The following TTLL9 variants were observed in gnomAD, a reference collection of about 807,000 sequenced individuals.
TTLL9 encodes the protein tubulin tyrosine ligase like 9, also known as probable tubulin polyglutamylase TTLL9.
A neutral mutation model predicts 65.6 loss-of-function variants in TTLL9; 47 were observed. That is an observed-to-expected ratio of 0.72 (90% confidence interval 0.57 to 0.91). The LOEUF (loss-of-function observed/expected upper bound fraction) is 0.91, where lower values mean the gene tolerates loss of function less well. Ranked by LOEUF, TTLL9 falls within the 40% of genes least tolerant of loss-of-function variation. The pLI is 0.00. For synonymous variants in TTLL9, 179 were observed against 204.8 expected (o/e 0.87, Z 1.07); for missense variants, 537 against 568.8 (o/e 0.94, Z 0.57).
At chr20:31,873,515 C>T (rs187087240) in intron 2 of TTLL9, among the ~76,000 whole-genome samples, 4 of 151,660 alleles carry the variant, frequency 2.6e-5, no homozygotes, top group East Asian at 3.9e-4. Context: ...AAAAATTAGC[C>T]GGGTGTGGTG....
At chr20:31,933,953 G>T in intron 11 of TTLL9, 95 bp downstream of exon 11, 2 of 1,320,648 alleles carry the variant, frequency 1.5e-6, no homozygotes, top group East Asian at 2.5e-5. Context: ...GGACAGGCCT[G>T]TCTGAGCCTG....
At chr20:31,895,924 C>T (rs2063380670) in intron 3 of TTLL9, among the ~76,000 whole-genome samples, 1 of 152,060 alleles carries the variant, frequency 6.6e-6, no homozygotes, top group African/African-American at 2.4e-5. Context: ...ACTGCAACTT[C>T]CATCTCCCGG....
Position 31,942,930 on chromosome 20 carries a change from C to T in TTLL9, c.1244-15C>T, listed in dbSNP as rs374502048. On this transcript the variant is annotated splice_polypyrimidine_tract_variant and intron_variant, in intron 14 of 14. Transcript: ENST00000535842. ...AGCATAGGTCATCCCAGCCAACACC[C>T]CACTTCCTTTCCAGGCTGCGTCAAC... The T allele has an allele frequency of 3.1e-6, 5 of 1,613,880 alleles. No individual in the cohort carries two copies. Among genetic ancestry groups the T allele is most frequent in the Non-Finnish European group, 4.2e-6 (5 of 1,179,922 alleles).
intron 11 of TTLL9, 142 bp from the exon 12 acceptor site, chr20:31,934,550 G>T (rs1301078880): frequency 2.6e-6 from 2 of 765,310 alleles, no homozygotes; most frequent in Non-Finnish European, 2.1e-6. Flanking sequence ...CACACCTGGG[G>T]TCATCCTAAT....
chr20:31,909,894 A>T lies in TTLL9; in HGVS notation c.476A>T (p.Asn159Ile), dbSNP rs763019971. The T allele has an allele frequency of 6.9e-7, 1 of 1,454,904 alleles. No homozygotes were observed. The highest frequency in any genetic ancestry group is 9.2e-7 in the Non-Finnish European group (1 of 1,081,092). 90.1% of individuals were successfully genotyped at this position (1,454,904 alleles called of 1,614,324 possible). A position where few individuals can be genotyped will look rare whatever the true frequency, so the allele number is the denominator to read the frequency against. The change falls in exon 6 of 15, where the codon AAC becomes ATC. Residue 159 changes from asparagine (N) to isoleucine (I), a missense_variant. Around this residue, in one of 3 missense-constraint regions of TTLL9, gnomAD observed 320 missense variants for 311.0 expected, o/e 1.03. Transcript: ENST00000535842. ...YHLFVEEFRK[N>I]PGITWIMKPV... Reference sequence around the variant, plus strand: ...CTGTTTGTAGAGGAGTTTCGCAAAAACCCAGGAATCACCTGGATCATGAAG... The same window carrying T: ...CTGTTTGTAGAGGAGTTTCGCAAAATCCCAGGAATCACCTGGATCATGAAG...
chr20:31,910,605 C>T (rs903712766), intron 6 of TTLL9, among the ~76,000 whole-genome samples: 6 of 152,200 alleles, frequency 3.9e-5, no homozygotes, highest in African/African-American at 1.4e-4. Context: ...GCTTACGCAC[C>T]TTCTCTGTGC....
At chr20:31,892,284 A>G (rs1254226537) in intron 3 of TTLL9, among the ~76,000 whole-genome samples, 1 of 150,678 alleles carries the variant, frequency 6.6e-6, no homozygotes, top group Non-Finnish European at 1.5e-5. Flanking sequence ...GGTTCAAGTG[A>G]TTCTCGTGCC....
intron 2 of TTLL9, chr20:31,879,976 T>A: frequency 1.5e-6 from 1 of 688,656 alleles, no homozygotes; most frequent in Non-Finnish European, 1.9e-6. Context: ...CAAAATCGGT[T>A]GGGGATGGGT....
At chr20:31,875,505 G>C (rs933819102) in intron 2 of TTLL9, among the ~76,000 whole-genome samples, 48 of 152,116 alleles carry the variant, frequency 3.2e-4, no homozygotes, top group African/African-American at 1.2e-3. Context: ...TCCGTGTCAT[G>C]CTTTGCTTTC....
chr20:31,884,552 A>G (rs2063162235), intron 2 of TTLL9, among the ~76,000 whole-genome samples: 1 of 152,120 alleles, frequency 6.6e-6, no homozygotes, highest in Non-Finnish European at 1.5e-5. Flanking sequence ...ATGAGATCAG[A>G]AGTCTGAAAG....
intron 7 of TTLL9, among the ~76,000 whole-genome samples, chr20:31,920,931 A>C (rs2063807357): frequency 6.6e-6 from 1 of 152,222 alleles, no homozygotes; most frequent in African/African-American, 2.4e-5. Context: ...AGGTGTTTGC[A>C]ACCTGCGAGG....
intron 3 of TTLL9, among the ~76,000 whole-genome samples, chr20:31,892,951 G>T (rs2063328550): frequency 6.6e-6 from 1 of 151,908 alleles, no homozygotes; most frequent in Admixed American, 6.6e-5. Flanking sequence ...CACTATATTT[G>T]CTTTAAATAG....
chr20:31,930,969 G>A (rs188046756), intron 10 of TTLL9, among the ~76,000 whole-genome samples: 17 of 152,226 alleles, frequency 1.1e-4, no homozygotes, highest in Admixed American at 1.0e-3. Flanking sequence ...CACAGCAGGC[G>A]GGAGCAGTGT....
chr20:31,943,817 C>T lies in TTLL9; in HGVS notation c.*796C>T, dbSNP rs142685502. 1,188 of 456,724 alleles carry T rather than the reference C, an allele frequency of 2.6e-3. 7 individuals carry two copies. Among genetic ancestry groups the T allele is most frequent in the African/African-American group, 0.02 (988 of 50,178 alleles). 28.3% of individuals were successfully genotyped at this position (456,724 alleles called of 1,614,324 possible). On this transcript the variant is annotated 3_prime_UTR_variant, in exon 15 of 15. Transcript: ENST00000535842. ...GCCAGAAACCGGAAAACCCTGGGCT[C>T]ATGGGCAGGACAGCTTCGGGAGTTG...
At chr20:31,880,977 A>C (rs539376538) in intron 2 of TTLL9, among the ~76,000 whole-genome samples, 13 of 148,912 alleles carry the variant, frequency 8.7e-5, no homozygotes, top group South Asian at 2.1e-4. Context: ...CTTCCCAAGT[A>C]GCTGGGATTA....
At chr20:31,879,472 A>G (rs1051792452) in intron 2 of TTLL9, 1 of 194,478 alleles carries the variant, frequency 5.1e-6, no homozygotes, top group African/African-American at 2.3e-5. Context: ...CGACTGACCA[A>G]CTGACCAGGT....
intron 11 of TTLL9, 105 bp downstream of exon 11, chr20:31,933,963 G>A: frequency 1.6e-6 from 2 of 1,220,792 alleles, no homozygotes; most frequent in South Asian, 1.5e-5. Context: ...GTCTGAGCCT[G>A]TGTTCACCAG....
chr20:31,905,175 A>T (rs2063534884), intron 4 of TTLL9, among the ~76,000 whole-genome samples: 1 of 151,896 alleles, frequency 6.6e-6, no homozygotes, highest in African/African-American at 2.4e-5. Flanking sequence ...CGTTCAAGTG[A>T]TTCTCCTGCC....
intron 4 of TTLL9, chr20:31,901,218 G>A (rs1220070170): frequency 6.6e-6 from 1 of 152,218 alleles, no homozygotes; most frequent in Non-Finnish European, 1.5e-5. Flanking sequence ...ACCCCGACAC[G>A]ATGAGCATGA....
Sources: gnomAD v4.1 joint callset for allele counts (sites outside exome capture counted in the v4.1 genomes callset) on GRCh38, gnomAD v4.1.1 for gene constraint, gnomAD v4.1.1 regional missense constraint, MANE v1.5 for transcripts, NCBI Gene and HGNC (gene_info 2026-07-23, HGNC 2026-07-21) for gene names.